The following IFNAR2 variants were observed in gnomAD, a reference collection of about 807,000 sequenced individuals.
The protein encoded by IFNAR2 is interferon alpha/beta receptor 2.
Under a neutral mutation model 49.4 loss-of-function variants are expected in IFNAR2, and 30 were observed. The ratio of observed to expected loss-of-function variants is 0.61; its 90% confidence interval spans 0.45 to 0.82. The LOEUF (loss-of-function observed/expected upper bound fraction) is 0.82. Ranked by LOEUF, IFNAR2 falls within the 40% of genes least tolerant of loss-of-function variation. The pLI, the probability that IFNAR2 is intolerant of heterozygous loss-of-function variation, is 0.00. For missense variants in IFNAR2, 600 were observed against 622.7 expected, an observed-to-expected ratio of 0.96 and a Z score of 0.39; for synonymous variants, 224 against 234.5, an observed-to-expected ratio of 0.96 and a Z score of 0.41.
rs573827547 is a variant in IFNAR2 at position 33,250,343 on chromosome 21, A to G, written c.540+1489A>G. On this transcript the variant is annotated intron_variant, in intron 6 of 8. Coordinates refer to ENST00000342136, the MANE Select transcript of IFNAR2 (RefSeq NM_001289125.3). Reference sequence around the variant, plus strand: ...CTAAAATAAGAGACTGTTGCTTATTAGGATATTGACTACTCTATAAGAGGA... The same window carrying G: ...CTAAAATAAGAGACTGTTGCTTATTGGGATATTGACTACTCTATAAGAGGA... Among the ~76,000 whole-genome samples the G allele has an allele frequency of 2.6e-5, 4 of 152,266 alleles. No individual in the cohort carries two copies. In the South Asian group the frequency reaches 8.3e-4, roughly 32 times the overall value.
At position 33,260,693 on chromosome 21, in the gene IFNAR2, A is replaced by G. The variant is rs201848104; in HGVS notation, c.806A>G (p.Tyr269Cys). Reference sequence around the variant, plus strand: ...ATAGTGACACTGAAATGGATTGGTTATATATGCTTAAGAAATAGCCTCCCC... The same window carrying G: ...ATAGTGACACTGAAATGGATTGGTTGTATATGCTTAAGAAATAGCCTCCCC... ...STIVTLKWIGYICLRNSLPKV... is the reference protein window; with the variant it reads ...STIVTLKWIGCICLRNSLPKV... Residue 269 changes from tyrosine to cysteine, a missense_variant, in exon 8 of 9, where the codon TAT (tyrosine) becomes TGT (cysteine). Coordinates refer to ENST00000342136, the MANE Select transcript of IFNAR2 (RefSeq NM_001289125.3). 3.8e-6 allele frequency: 6 copies of G among 1,573,302 alleles called. No individual in the cohort carries two copies. The highest frequency in any genetic ancestry group is 2.7e-5 in the African/African-American group (2 of 73,370).
rs1988735031 is a variant in IFNAR2, at chr21:33,262,918, T to C, written c.966T>C (p.Ser322=). The change falls in exon 9 of 9, where the codon AGT becomes AGC. Residue 322 remains serine, a synonymous_variant. Coordinates refer to ENST00000342136, the MANE Select transcript of IFNAR2 (RefSeq NM_001289125.3). ...KVWDYNYDDE[S]DSDTEAAPRT... is the part of the protein sequence containing the mutation. ...GGGATTATAATTATGATGATGAAAGTGATAGCGATACTGAGGCAGCGCCCA... is the reference window on the plus strand; with the variant it reads ...GGGATTATAATTATGATGATGAAAGCGATAGCGATACTGAGGCAGCGCCCA... 1.9e-6 allele frequency: 3 copies of C among 1,614,002 alleles called. No individual in the cohort carries two copies. In the African/African-American group the frequency reaches 4.0e-5, roughly 22 times the overall value.
chr21:33,230,660 C>T lies in IFNAR2; in HGVS notation c.-84+444C>T, dbSNP rs1357269949. ...CTCAGGTTCGGGATCTCCAGCCCGC[C>T]CCCTTGAGGTCCCCTGGGATTAGCC... On this transcript the variant is annotated intron_variant, in intron 1 of 8. Transcript: ENST00000342136. The surrounding 1 kb of genome is among the most constrained non-coding windows in gnomAD (Gnocchi z 5.5). The T allele has an allele frequency of 4.3e-6, 2 of 462,314 alleles. No individual in the cohort carries two copies. Among genetic ancestry groups the T allele is most frequent in the Admixed American group, 2.4e-5 (1 of 41,844 alleles). 28.6% of individuals were successfully genotyped at this position (462,314 alleles called of 1,614,324 possible).
Position 33,262,807 on chromosome 21 carries a change from T to A in IFNAR2, c.855T>A (p.Phe285Leu). ...SLPKVLNFHNFLAWPFPNLPP... is the reference protein window; with the variant it reads ...SLPKVLNFHNLLAWPFPNLPP... ...TTTTTTTTAAGAATTTTCATAACTTTTTAGCCTGGCCATTTCCTAACCTGC... is the reference window on the plus strand; with the variant it reads ...TTTTTTTTAAGAATTTTCATAACTTATTAGCCTGGCCATTTCCTAACCTGC... The change falls in exon 9 of 9, where the codon TTT becomes TTA. Residue 285 changes from phenylalanine (F) to leucine (L), a missense_variant. Coordinates refer to ENST00000342136, the MANE Select transcript of IFNAR2 (RefSeq NM_001289125.3). 1 of 1,597,714 alleles carries A rather than the reference T, an allele frequency of 6.3e-7. No homozygotes were observed.
intron 7 of IFNAR2, among the ~76,000 whole-genome samples, chr21:33,253,335 A>G (rs748627992): frequency 2.0e-5 from 3 of 152,232 alleles, no homozygotes; most frequent in Non-Finnish European, 2.9e-5. Flanking sequence ...TCTGTTACAC[A>G]GACATCAGAA....
chr21:33,255,895 A>C (rs1349013498), intron 7 of IFNAR2, among the ~76,000 whole-genome samples: 3 of 152,198 alleles, frequency 2.0e-5, no homozygotes, highest in Non-Finnish European at 4.4e-5. Context: ...GGCCCCTAAA[A>C]GAGGCTTGTT....
rs1988848149 is a variant in IFNAR2, at chr21:33,264,523, A to C, written c.*1023A>C. The stretch of plus-strand genomic sequence containing the variant: ...TGCCATATTTTAAGTTAAAAAAAAA[A>C]AAAGCAAACACAAAGATGCTTCAAG... On this transcript the variant is annotated 3_prime_UTR_variant, in exon 9 of 9. Coordinates refer to ENST00000342136, the MANE Select transcript of IFNAR2 (RefSeq NM_001289125.3). 1 of 152,118 alleles carries C rather than the reference A, an allele frequency of 6.6e-6. No individual in the cohort carries two copies. The highest frequency in any genetic ancestry group is 6.5e-5 in the Admixed American group (1 of 15,282). The allele number at this position is 152,118 out of a possible 1,614,324, so 9.4% of individuals were successfully genotyped here.
chr21:33,245,199 C>A, intron 4 of IFNAR2, 125 bp downstream of exon 4: 2 of 701,002 alleles, frequency 2.9e-6, no homozygotes, highest in Non-Finnish European at 4.8e-6. Context: ...CTTCTCTCTG[C>A]GTTTCTTATT....
At chr21:33,242,468 C>T (rs924387216) in intron 2 of IFNAR2, among the ~76,000 whole-genome samples, 2 of 151,882 alleles carry the variant, frequency 1.3e-5, no homozygotes, top group African/African-American at 2.4e-5. Flanking sequence ...CGCGGTGGCT[C>T]GCGCCTGTAA....
chr21:33,234,781 CAT>C (rs1288031805), intron 1 of IFNAR2: 1 of 981,084 alleles, frequency 1.0e-6, no homozygotes, highest in East Asian at 1.1e-4. Context: ...TGGGAAGCCA[CAT>C]GAGTTGTTGG....
intron 5 of IFNAR2, 44 bp downstream of exon 5, chr21:33,246,934 A>G (rs766959614): frequency 6.6e-7 from 1 of 1,524,810 alleles, no homozygotes. Context: ...CATCATCAAG[A>G]TCTTTATTAT....
rs1988791122 is a variant in IFNAR2, at chr21:33,263,588, A to G, written c.*88A>G. The G allele has an allele frequency of 2.3e-6, 3 of 1,287,122 alleles. No homozygotes were observed. The highest frequency in any genetic ancestry group is 2.5e-4 in the Middle Eastern group (1 of 3,998). 79.7% of individuals were successfully genotyped at this position (1,287,122 alleles called of 1,614,324 possible). ...CTAACTTGCTGCCTTATCGTCTGCA[A>G]GTGTTCTCCAAGGGAAGGAGGAGGA... On this transcript the variant is annotated 3_prime_UTR_variant, in exon 9 of 9. Coordinates refer to ENST00000342136, the MANE Select transcript of IFNAR2 (RefSeq NM_001289125.3).
intron 5 of IFNAR2, 104 bp from the exon 6 acceptor site, chr21:33,248,605 C>A: frequency 1.9e-6 from 2 of 1,033,032 alleles, no homozygotes; most frequent in Non-Finnish European, 2.7e-6. Flanking sequence ...TAAATCAGGA[C>A]TTGGCAGATT....
Position 33,230,685 on chromosome 21 carries a change from C to A in IFNAR2, c.-84+469C>A, listed in dbSNP as rs549018895. The A allele has an allele frequency of 6.8e-6, 3 of 439,624 alleles. No individual in the cohort carries two copies. Among genetic ancestry groups the A allele is most frequent in the South Asian group, 5.0e-5 (3 of 60,454 alleles). The allele number at this position is 439,624 out of a possible 1,614,324, so 27.2% of individuals were successfully genotyped here. ...CCCCTTGAGGTCCCCTGGGATTAGC[C>A]CCCCTCGACCTGCGTCAGGGTCACA... is the stretch of plus-strand genomic sequence containing the variant. On this transcript the variant is annotated intron_variant, in intron 1 of 8. Coordinates refer to ENST00000342136, the MANE Select transcript of IFNAR2 (RefSeq NM_001289125.3). The surrounding 1 kb of genome is among the most constrained non-coding windows in gnomAD (Gnocchi z 5.5).
At chr21:33,240,136 C>T (rs1326742325) in intron 1 of IFNAR2, among the ~76,000 whole-genome samples, 2 of 152,224 alleles carry the variant, frequency 1.3e-5, no homozygotes, top group Admixed American at 6.5e-5. Flanking sequence ...TTGCCTACAG[C>T]CCTCTCACAC....
chr21:33,239,445 C>T (rs1233257033), intron 1 of IFNAR2, among the ~76,000 whole-genome samples: 3 of 152,202 alleles, frequency 2.0e-5, no homozygotes, highest in African/African-American at 7.2e-5. Context: ...TGATTACAGC[C>T]ATCAATGTTG....
chr21:33,264,698 G>C lies in IFNAR2; in HGVS notation c.*1198G>C, dbSNP rs533722609. 7.2e-5 allele frequency: 11 copies of C among 152,238 alleles called. No individual in the cohort carries two copies. The highest frequency in any genetic ancestry group is 2.4e-4 in the African/African-American group (10 of 41,516). 9.4% of individuals were successfully genotyped at this position (152,238 alleles called of 1,614,324 possible). ...GGTTGGGGGGGTGTGGGCGGGGGAA[G>C]GGAAGTCTGGCCCGGAGCAATTGCT... On this transcript the variant is annotated 3_prime_UTR_variant, in exon 9 of 9. Coordinates refer to ENST00000342136, the MANE Select transcript of IFNAR2 (RefSeq NM_001289125.3).
chr21:33,262,495 A>G, intron 8 of IFNAR2: 1 of 669,836 alleles, frequency 1.5e-6, no homozygotes, highest in East Asian at 2.7e-5. Flanking sequence ...AGCTGTTATT[A>G]TTGCTGTCAT....
intron 6 of IFNAR2, chr21:33,252,346 G>T (rs1987913645): frequency 1.4e-6 from 1 of 700,096 alleles, no homozygotes; most frequent in African/African-American, 1.9e-5. Flanking sequence ...GTCCATGAGA[G>T]AAGATAATCT....
Sources: gnomAD v4.1 joint callset for allele counts (sites outside exome capture counted in the v4.1 genomes callset) on GRCh38, gnomAD v4.1.1 for gene constraint, Gnocchi (gnomAD v3.1) non-coding constraint, MANE v1.5 for transcripts, NCBI Gene and HGNC (gene_info 2026-07-23, HGNC 2026-07-21) for gene names.